ZNF407: variants seen among roughly 807,000 people sequenced by gnomAD.
The protein encoded by ZNF407 is zinc finger protein 407.
Under a neutral mutation model 131.2 loss-of-function variants are expected in ZNF407, and 17 were observed. That is an observed-to-expected ratio of 0.13 (90% CI 0.09 to 0.19). The LOEUF (loss-of-function observed/expected upper bound fraction) is 0.19, where lower values mean the gene tolerates loss of function less well. ZNF407 is among the 10% of genes least tolerant of loss of function. The pLI, the probability that ZNF407 is intolerant of heterozygous loss-of-function variation, is 1.00. For missense variants in ZNF407, 2,681 were observed against 2,830.6 expected, an observed-to-expected ratio of 0.95 and a Z score of 1.20; for synonymous variants, 1,156 against 1,062.0, an observed-to-expected ratio of 1.09 and a Z score of -1.72.
chr18:74,694,538 C>T (rs1366691724), intron 3 of ZNF407, among the ~76,000 whole-genome samples: 3 of 150,664 alleles, frequency 2.0e-5, no homozygotes, highest in Non-Finnish European at 4.4e-5. Flanking sequence ...AGTGTTGGAG[C>T]TGTTTGTTTG....
intron 8 of ZNF407, among the ~76,000 whole-genome samples, chr18:75,035,154 T>C (rs768441516): frequency 6.6e-6 from 1 of 152,226 alleles, no homozygotes; most frequent in African/African-American, 2.4e-5. Context: ...GCACACCGTT[T>C]TGGCTGATGA....
chr18:74,834,502 C>T (rs1346725636), intron 4 of ZNF407, among the ~76,000 whole-genome samples: 2 of 152,204 alleles, frequency 1.3e-5, no homozygotes, highest in African/African-American at 2.4e-5. Flanking sequence ...TTTCTTCTAT[C>T]AGCATTTCTA....
intron 8 of ZNF407, among the ~76,000 whole-genome samples, chr18:75,018,246 T>C (rs1426378060): frequency 1.1e-4 from 16 of 151,944 alleles, no homozygotes; most frequent in Non-Finnish European, 1.5e-4. Flanking sequence ...TTTCAAAATA[T>C]AATAAAAATT....
intron 3 of ZNF407, among the ~76,000 whole-genome samples, chr18:74,689,238 T>G (rs1415249511): frequency 6.6e-6 from 1 of 152,244 alleles, no homozygotes; most frequent in East Asian, 1.9e-4. Flanking sequence ...GTATTTTATT[T>G]TTCTTGGTCT....
rs755539460 is a variant in ZNF407, at chr18:74,634,782, G to T, written c.3763G>T (p.Asp1255Tyr). Residue 1255 changes from aspartate (D) to tyrosine (Y), a missense_variant, in exon 2 of 9, where the codon GAT (aspartate) becomes TAT (tyrosine). Asp to Tyr is a radical substitution (Grantham distance 160, BLOSUM62 -3). Coordinates refer to ENST00000299687, the MANE Select transcript of ZNF407 (RefSeq NM_017757.3). ...CAGACACCTGTGCCCTGTGACGCTCGATGGGGAGCGCTCGGCTGAAAGCCC... is the reference window on the plus strand; with the variant it reads ...CAGACACCTGTGCCCTGTGACGCTCTATGGGGAGCGCTCGGCTGAAAGCCC... ...PHRHLCPVTL[D>Y]GERSAESPVL... 1 of 1,614,014 alleles carries T rather than the reference G, an allele frequency of 6.2e-7. No homozygotes were observed. The highest frequency in any genetic ancestry group is 1.1e-5 in the South Asian group (1 of 91,082).
At chr18:74,801,777 C>T (rs1970024002) in intron 4 of ZNF407, among the ~76,000 whole-genome samples, 1 of 152,070 alleles carries the variant, frequency 6.6e-6, no homozygotes, top group Non-Finnish European at 1.5e-5. Context: ...ACACCTATAA[C>T]CTCTTTCAGT....
At chr18:75,018,300 A>C (rs752492112) in intron 8 of ZNF407, among the ~76,000 whole-genome samples, 1 of 152,034 alleles carries the variant, frequency 6.6e-6, no homozygotes, top group African/African-American at 2.4e-5. Flanking sequence ...ATATTGAAAT[A>C]CTTATATAAT....
chr18:74,709,652 G>A (rs1967710566), intron 3 of ZNF407, among the ~76,000 whole-genome samples: 2 of 152,154 alleles, frequency 1.3e-5, no homozygotes, highest in Admixed American at 6.5e-5. Flanking sequence ...TGATTCTTAG[G>A]TTTGATACTG....
chr18:74,791,289 G>T (rs115354073), intron 4 of ZNF407, among the ~76,000 whole-genome samples: 1,623 of 152,244 alleles, frequency 0.011, 29 homozygotes, highest in African/African-American at 0.036. Flanking sequence ...GTCAAATATT[G>T]TTAATTTCAT....
At chr18:74,794,656 G>A (rs1969886728) in intron 4 of ZNF407, among the ~76,000 whole-genome samples, 1 of 152,022 alleles carries the variant, frequency 6.6e-6, no homozygotes, top group South Asian at 2.1e-4. Context: ...AGATGAACTA[G>A]GTTTTCAAAT....
At chr18:74,812,662 T>A (rs969984604) in intron 4 of ZNF407, among the ~76,000 whole-genome samples, 1 of 152,168 alleles carries the variant, frequency 6.6e-6, no homozygotes, top group Non-Finnish European at 1.5e-5. Context: ...GTTTTGAAAC[T>A]TCCCCCATTG....
At chr18:74,922,032 T>C (rs1335545155) in intron 8 of ZNF407, among the ~76,000 whole-genome samples, 4 of 152,222 alleles carry the variant, frequency 2.6e-5, no homozygotes, top group Non-Finnish European at 4.4e-5. Context: ...GTGTGTGATT[T>C]AGTAATTTTT....
intron 3 of ZNF407, among the ~76,000 whole-genome samples, chr18:74,673,878 A>G (rs776531582): frequency 6.6e-6 from 1 of 152,212 alleles, no homozygotes; most frequent in South Asian, 2.1e-4. Context: ...GTTAGTTAAA[A>G]CACATGGTTC....
At position 74,865,751 on chromosome 18, in the gene ZNF407, A is replaced by T. The variant is rs141855103; in HGVS notation, c.4878-11446A>T. 1.1e-4 allele frequency among the ~76,000 whole-genome samples: 16 copies of T among 152,360 alleles called. No homozygotes were observed. The East Asian group carries it at 2.9e-3, about 28-fold the overall frequency. On this transcript the variant is annotated intron_variant, in intron 4 of 8. Transcript: ENST00000299687. ...AATCTGCAAATCTGTTTTGTAAAAA[A>T]TTCATAATTGCACACATCCAATTTT...
chr18:74,801,770 C>T (rs1970023883), intron 4 of ZNF407, among the ~76,000 whole-genome samples: 2 of 152,058 alleles, frequency 1.3e-5, no homozygotes, highest in African/African-American at 2.4e-5. Flanking sequence ...TCAGTGGACA[C>T]CTATAACCTC....
intron 4 of ZNF407, among the ~76,000 whole-genome samples, chr18:74,812,966 T>G (rs1970218103): frequency 6.6e-6 from 1 of 152,182 alleles, no homozygotes; most frequent in Non-Finnish European, 1.5e-5. Context: ...GGTGCTCCAT[T>G]TTTTCATCAA....
intron 7 of ZNF407, among the ~76,000 whole-genome samples, chr18:74,913,553 T>A (rs74470805): frequency 6.6e-6 from 1 of 152,012 alleles, no homozygotes; most frequent in Non-Finnish European, 1.5e-5. Flanking sequence ...ATAAGACATA[T>A]CTGTAGCTTG....
intron 1 of ZNF407, among the ~76,000 whole-genome samples, chr18:74,630,069 G>A (rs780449494): frequency 2.0e-4 from 31 of 151,502 alleles, no homozygotes; most frequent in Non-Finnish European, 2.9e-4. Context: ...CACGAATGGT[G>A]ATATGTAATG....
chr18:74,887,338 C>T (rs1971323998), intron 6 of ZNF407, among the ~76,000 whole-genome samples: 1 of 151,966 alleles, frequency 6.6e-6, no homozygotes, highest in Non-Finnish European at 1.5e-5. Context: ...TTCAAGCAGA[C>T]CTTGGGTGAC....
Sources: gnomAD v4.1 joint callset for allele counts (sites outside exome capture counted in the v4.1 genomes callset) on GRCh38, gnomAD v4.1.1 for gene constraint, MANE v1.5 for transcripts, NCBI Gene and HGNC (gene_info 2026-07-23, HGNC 2026-07-21) for gene names.